FAM227B: variants seen among roughly 807,000 people sequenced by gnomAD.
FAM227B encodes family with sequence similarity 227 member B, also known as protein FAM227B.
In FAM227B, 88 loss-of-function variants were observed where a neutral mutation model predicts 73.8. That is an observed-to-expected ratio of 1.19 (90% CI 1.00 to 1.42). The LOEUF is 1.42. FAM227B is among the 40% of genes most tolerant of loss of function. The pLI is 0.00. For synonymous variants in FAM227B, 210 were observed against 190.5 expected (o/e 1.10, Z -0.84); for missense variants, 632 against 590.9 (o/e 1.07, Z -0.72).
chr15:49,406,043 G>A (rs534662624), intron 11 of FAM227B, among the ~76,000 whole-genome samples: 15 of 152,276 alleles, frequency 9.9e-5, no homozygotes, highest in African/African-American at 3.6e-4. Context: ...CCTGGACTGC[G>A]AGCTCTAACT....
chr15:49,476,825 T>C (rs8039062), intron 11 of FAM227B, among the ~76,000 whole-genome samples: 50,966 of 151,936 alleles, frequency 0.34, 9,525 homozygotes, highest in African/African-American at 0.49. Context: ...TTTGGGAGGC[T>C]GAGGTGGGCA....
chr15:49,463,293 C>G (rs1338572698), intron 11 of FAM227B, among the ~76,000 whole-genome samples: 2 of 152,214 alleles, frequency 1.3e-5, no homozygotes, highest in Non-Finnish European at 2.9e-5. Flanking sequence ...GTGGCTCACA[C>G]CTGTAATCCC....
At chr15:49,523,097 T>C (rs998787538) in intron 10 of FAM227B, among the ~76,000 whole-genome samples, 1 of 152,146 alleles carries the variant, frequency 6.6e-6, no homozygotes, top group African/African-American at 2.4e-5. Context: ...AAATCAGCTA[T>C]AAAGAAAATC....
At chr15:49,576,533 C>T (rs2075452910) in intron 7 of FAM227B, 2 of 447,736 alleles carry the variant, frequency 4.5e-6, no homozygotes, top group South Asian at 2.9e-5. Context: ...CTAGCAACCT[C>T]AGGGTCCCAA....
chr15:49,600,168 T>C (rs1193126850), intron 3 of FAM227B, among the ~76,000 whole-genome samples: 1 of 152,108 alleles, frequency 6.6e-6, no homozygotes, highest in Non-Finnish European at 1.5e-5. Flanking sequence ...AATACCCTCT[T>C]TGTCTCTCTT....
intron 11 of FAM227B, among the ~76,000 whole-genome samples, chr15:49,494,405 T>C (rs1339342328): frequency 6.6e-6 from 1 of 152,132 alleles, no homozygotes; most frequent in Non-Finnish European, 1.5e-5. Context: ...GTTGACTTCA[T>C]TCTGTGTTTA....
chr15:49,450,748 A>G (rs2052648281), intron 11 of FAM227B, among the ~76,000 whole-genome samples: 1 of 152,162 alleles, frequency 6.6e-6, no homozygotes, highest in Non-Finnish European at 1.5e-5. Flanking sequence ...AACAAAACTA[A>G]TAACACTGCG....
intron 13 of FAM227B, among the ~76,000 whole-genome samples, chr15:49,349,886 C>T (rs761187122): frequency 4.6e-5 from 7 of 151,608 alleles, no homozygotes; most frequent in African/African-American, 9.7e-5. Flanking sequence ...CAAAATAACC[C>T]GAAACTAGAA....
intron 11 of FAM227B, among the ~76,000 whole-genome samples, chr15:49,375,337 G>T (rs1596675078): frequency 6.6e-6 from 1 of 152,192 alleles, no homozygotes; most frequent in Non-Finnish European, 1.5e-5. Context: ...ATCACACTTG[G>T]TTCCCAAGGA....
chr15:49,444,707 C>T (rs1056882683), intron 11 of FAM227B, among the ~76,000 whole-genome samples: 4 of 151,560 alleles, frequency 2.6e-5, no homozygotes, highest in African/African-American at 7.3e-5. Context: ...GCATATGTTC[C>T]GGGGTCTGTC....
chr15:49,567,327 T>C (rs527236807), intron 9 of FAM227B, among the ~76,000 whole-genome samples: 29 of 152,272 alleles, frequency 1.9e-4, no homozygotes, highest in African/African-American at 6.0e-4. Flanking sequence ...TCATGTGATA[T>C]ACAACCCAGC....
chr15:49,495,678 T>C (rs1597599043), intron 11 of FAM227B, among the ~76,000 whole-genome samples: 1 of 152,184 alleles, frequency 6.6e-6, no homozygotes, highest in East Asian at 1.9e-4. Context: ...GTTTCTTTTT[T>C]ATTATCCCTG....
At chr15:49,602,820 G>A (rs2077289225) in intron 3 of FAM227B, among the ~76,000 whole-genome samples, 1 of 152,120 alleles carries the variant, frequency 6.6e-6, no homozygotes, top group Non-Finnish European at 1.5e-5. Flanking sequence ...TTTGATTTTT[G>A]TATATGGAAA....
rs535713212 is a variant in FAM227B, at chr15:49,546,939, C to T, written c.748-5133G>A. Among the ~76,000 whole-genome samples, 10 of 152,158 alleles carry T rather than the reference C, an allele frequency of 6.6e-5. No individual in the cohort carries two copies. The South Asian group carries it at 1.5e-3, about 22-fold the overall frequency. On this transcript the variant is annotated intron_variant, in intron 9 of 15. Transcript: ENST00000299338. ...TCAGGAAATACAGAGAATGCCACAA[C>T]GATACTCCTTGAGAAGAGCAAGTCC... is the stretch of plus-strand genomic sequence containing the variant.
chr15:49,504,023 A>T (rs939721530), intron 11 of FAM227B, among the ~76,000 whole-genome samples: 105 of 152,216 alleles, frequency 6.9e-4, no homozygotes, highest in Non-Finnish European at 1.1e-3. Context: ...CTTGGAGCCA[A>T]GCCAAATGTC....
intron 11 of FAM227B, among the ~76,000 whole-genome samples, chr15:49,409,928 C>T (rs148306719): frequency 6.6e-6 from 1 of 152,114 alleles, no homozygotes; most frequent in Non-Finnish European, 1.5e-5. Context: ...AGATTAGTCT[C>T]TTTCTGTTTT....
At chr15:49,386,317 T>A (rs943326323) in intron 11 of FAM227B, among the ~76,000 whole-genome samples, 3 of 151,168 alleles carry the variant, frequency 2.0e-5, no homozygotes, top group Non-Finnish European at 3.0e-5. Context: ...CAGGCCACAG[T>A]GGAATAAAGC....
chr15:49,494,093 C>T (rs969684438), intron 11 of FAM227B, among the ~76,000 whole-genome samples: 8 of 151,930 alleles, frequency 5.3e-5, no homozygotes, highest in African/African-American at 1.7e-4. Flanking sequence ...AAGAAAAAAA[C>T]TTCCTAAGTC....
chr15:49,463,008 G>C (rs1374450679), intron 11 of FAM227B, among the ~76,000 whole-genome samples: 1 of 152,158 alleles, frequency 6.6e-6, no homozygotes, highest in African/African-American at 2.4e-5. Context: ...TAAAGAGTTT[G>C]TGTCTTAAAT....
Sources: gnomAD v4.1 joint callset for allele counts (sites outside exome capture counted in the v4.1 genomes callset) on GRCh38, gnomAD v4.1.1 for gene constraint, MANE v1.5 for transcripts, NCBI Gene and HGNC (gene_info 2026-07-23, HGNC 2026-07-21) for gene names.